Variants in FHIT observed in about 807,000 individuals in gnomAD.
The protein encoded by FHIT is fragile histidine triad diadenosine triphosphatase, also known as bis(5'-adenosyl)-triphosphatase.
In FHIT, 19 loss-of-function variants were observed where a neutral mutation model predicts 17.9. The observed-to-expected ratio is 1.06, with a 90% CI of 0.74 to 1.56. FHIT has a LOEUF of 1.56. FHIT is among the 40% of genes most tolerant of loss of function. FHIT has a pLI of 0.00. For missense variants in FHIT, 248 were observed against 189.2 expected (o/e 1.31, Z -1.82); for synonymous variants, 81 against 69.7 (o/e 1.16, Z -0.81).
At chr3:60,710,303 G>A (rs1174059197) in intron 4 of FHIT, among the ~76,000 whole-genome samples, 5 of 152,174 alleles carry the variant, frequency 3.3e-5, no homozygotes, top group East Asian at 3.9e-4. Context: ...CAAGATGTCC[G>A]AAGAGGAACA....
chr3:61,094,413 C>T (rs538251390), intron 2 of FHIT, among the ~76,000 whole-genome samples: 27 of 152,236 alleles, frequency 1.8e-4, no homozygotes, highest in African/African-American at 6.5e-4. Flanking sequence ...CTCATAATAT[C>T]CACCTAAGAA....
At chr3:60,744,270 A>AAAAAAAAAAC (rs2042307842) in intron 4 of FHIT, among the ~76,000 whole-genome samples, 9 of 22,518 alleles carry the variant, frequency 4.0e-4, no homozygotes, top group African/African-American at 5.9e-4. Flanking sequence ...AAACAAAACA[A>AAAAAAAAAAC]AAAAAAAAAA....
At chr3:60,177,512 A>T (rs1264026797) in intron 5 of FHIT, among the ~76,000 whole-genome samples, 1 of 152,220 alleles carries the variant, frequency 6.6e-6, no homozygotes, top group Non-Finnish European at 1.5e-5. Flanking sequence ...GTCCCTTCGC[A>T]TAGAAGTAGG....
chr3:59,983,451 A>G (rs1055737886), intron 7 of FHIT, among the ~76,000 whole-genome samples: 1 of 152,088 alleles, frequency 6.6e-6, no homozygotes, highest in African/African-American at 2.4e-5. Context: ...ACAATTATTA[A>G]CTTTGTACTA....
At chr3:59,956,232 G>A (rs1297774613) in intron 7 of FHIT, among the ~76,000 whole-genome samples, 1 of 152,074 alleles carries the variant, frequency 6.6e-6, no homozygotes, top group Non-Finnish European at 1.5e-5. Flanking sequence ...AACTGACAGG[G>A]GCTGGGTGAC....
At chr3:59,958,829 T>C (rs933334183) in intron 7 of FHIT, among the ~76,000 whole-genome samples, 2 of 152,086 alleles carry the variant, frequency 1.3e-5, no homozygotes, top group Non-Finnish European at 2.9e-5. Flanking sequence ...ATGAATAAGT[T>C]AGCATCTCCT....
At chr3:59,818,973 C>A (rs186876616) in intron 8 of FHIT, among the ~76,000 whole-genome samples, 3 of 152,194 alleles carry the variant, frequency 2.0e-5, no homozygotes, top group African/African-American at 4.8e-5. Flanking sequence ...CAGTAAAAAT[C>A]GCAATGCAGA....
At chr3:60,648,113 A>G (rs897682840) in intron 4 of FHIT, among the ~76,000 whole-genome samples, 1 of 152,108 alleles carries the variant, frequency 6.6e-6, no homozygotes, top group African/African-American at 2.4e-5. Flanking sequence ...GATAGATGGG[A>G]CGACAATGGG....
intron 2 of FHIT, among the ~76,000 whole-genome samples, chr3:61,193,771 C>A (rs1193866615): frequency 2.0e-5 from 3 of 152,274 alleles, no homozygotes; most frequent in African/African-American, 7.2e-5. Flanking sequence ...AGGCCAAGTT[C>A]CCACTGTAGG....
intron 8 of FHIT, among the ~76,000 whole-genome samples, chr3:59,912,551 C>T (rs1373674935): frequency 1.3e-5 from 2 of 151,896 alleles, no homozygotes; most frequent in East Asian, 3.9e-4. Context: ...AAAGGAAATT[C>T]AGCCTCAGTC....
At chr3:60,594,999 C>T (rs2363667) in intron 4 of FHIT, among the ~76,000 whole-genome samples, 64,379 of 151,856 alleles carry the variant, frequency 0.42, 16,581 homozygotes, top group Non-Finnish European at 0.56. Context: ...TGTTGTATCC[C>T]TTGCTGTGTT....
Position 60,536,869 on chromosome 3 carries a change from C to A in FHIT, c.94G>T (p.Val32Leu), listed in dbSNP as rs759603845. Reference sequence around the variant, plus strand: ...AAAAAAGAAAGGATACGTCCTGGTACCACAGGTTTCCTATTCACAAGAGCG... The same window carrying A: ...AAAAAAGAAAGGATACGTCCTGGTAACACAGGTTTCCTATTCACAAGAGCG... Reference protein sequence around the residue: ...SFALVNRKPVVPGHVLVCPLR... With the variant: ...SFALVNRKPVLPGHVLVCPLR... Residue 32 changes from valine to leucine, a missense_variant, in exon 5 of 10, where the codon GTA becomes TTA. Val to Leu is a conservative substitution (Grantham distance 32, BLOSUM62 1). Coordinates refer to ENST00000492590, the MANE Select transcript of FHIT (RefSeq NM_002012.4). The A allele has an allele frequency of 1.9e-6, 3 of 1,604,734 alleles. No homozygotes were observed. The highest frequency in any genetic ancestry group is 4.5e-5 in the East Asian group (2 of 44,724).
chr3:60,599,848 T>C (rs1411421114), intron 4 of FHIT, among the ~76,000 whole-genome samples: 1 of 152,116 alleles, frequency 6.6e-6, no homozygotes, highest in Non-Finnish European at 1.5e-5. Context: ...GCAGGAGTTC[T>C]TGACCTCAGC....
At chr3:60,098,293 T>C (rs7653213) in intron 5 of FHIT, among the ~76,000 whole-genome samples, 79,976 of 135,514 alleles carry the variant, frequency 0.59, 23,980 homozygotes, top group East Asian at 0.89. Context: ...ATCGCCACAC[T>C]GACTTCCACA....
At chr3:59,799,671 TC>T (rs1699918677) in intron 8 of FHIT, among the ~76,000 whole-genome samples, 1 of 152,232 alleles carries the variant, frequency 6.6e-6, no homozygotes, top group Non-Finnish European at 1.5e-5. Context: ...AGAGACCCTT[TC>T]TTCCATTTAT....
chr3:60,949,539 A>C (rs1438026587), intron 3 of FHIT, among the ~76,000 whole-genome samples: 1 of 152,172 alleles, frequency 6.6e-6, no homozygotes, highest in Non-Finnish European at 1.5e-5. Context: ...ATTTTAACTA[A>C]ACTGATTAAA....
chr3:60,010,695 G>C (rs1700104493), intron 7 of FHIT, among the ~76,000 whole-genome samples: 2 of 152,174 alleles, frequency 1.3e-5, no homozygotes, highest in South Asian at 4.1e-4. Context: ...CTGAAACCCA[G>C]CTTCTGAATC....
chr3:60,862,295 A>T (rs552690642), intron 3 of FHIT, among the ~76,000 whole-genome samples: 1 of 152,100 alleles, frequency 6.6e-6, no homozygotes, highest in African/African-American at 2.4e-5. Context: ...CATCCGTACT[A>T]GCTAGGACTA....
intron 4 of FHIT, among the ~76,000 whole-genome samples, chr3:60,680,923 C>T (rs2040732042): frequency 6.6e-6 from 1 of 152,128 alleles, no homozygotes; most frequent in Admixed American, 6.5e-5. Flanking sequence ...GAAAACAAAA[C>T]AAGTGAGAAT....
Sources: gnomAD v4.1 joint callset for allele counts (sites outside exome capture counted in the v4.1 genomes callset) on GRCh38, gnomAD v4.1.1 for gene constraint, MANE v1.5 for transcripts, NCBI Gene and HGNC (gene_info 2026-07-23, HGNC 2026-07-21) for gene names.